The following WDR7 variants were observed in gnomAD, a reference collection of about 807,000 sequenced individuals.
The protein encoded by WDR7 is WD repeat domain 7, also known as WD repeat-containing protein 7.
WDR7 carries 46 observed loss-of-function variants against 169.4 expected under a neutral mutation model. That is an observed-to-expected ratio of 0.27 (90% CI 0.21 to 0.35). The LOEUF is 0.35. Among genes scored for constraint, WDR7 ranks in the 10% least tolerant of loss-of-function variants. The probability of loss-of-function intolerance (pLI) is 1.00; values close to 1 mark genes in which losing one functional copy is unlikely to be tolerated. For missense variants in WDR7, 1,534 were observed against 1,859.3 expected, an observed-to-expected ratio of 0.83 and a Z score of 3.22; for synonymous variants, 612 against 666.8, an observed-to-expected ratio of 0.92 and a Z score of 1.27.
downstream of WDR7, chr18:57,032,191 C>A (rs1057469082): frequency 1.3e-5 from 2 of 152,178 alleles, no homozygotes; most frequent in Admixed American, 1.3e-4. Context: ...AGAAAGATCA[C>A]CGCATTAGAT....
chr18:56,746,784 A>G (rs925443573), intron 14 of WDR7, among the ~76,000 whole-genome samples: 5 of 151,994 alleles, frequency 3.3e-5, no homozygotes, highest in Admixed American at 1.3e-4. Flanking sequence ...CAACCTCAAC[A>G]CTATTGTCAT....
chr18:56,721,759 G>A (rs1285976828), intron 13 of WDR7: 1 of 152,208 alleles, frequency 6.6e-6, no homozygotes, highest in African/African-American at 2.4e-5. Context: ...AATGACTGAT[G>A]TTACAAAATG....
At chr18:57,009,575 A>G (rs376943844) in intron 26 of WDR7, among the ~76,000 whole-genome samples, 2 of 152,368 alleles carry the variant, frequency 1.3e-5, no homozygotes, top group African/African-American at 2.4e-5. Context: ...TAAACTACAC[A>G]TAAAAGTGTA....
intron 20 of WDR7, among the ~76,000 whole-genome samples, chr18:56,879,552 T>G (rs538153119): frequency 1.1e-4 from 17 of 152,234 alleles, no homozygotes; most frequent in Non-Finnish European, 2.4e-4. Flanking sequence ...TATCCTTTCT[T>G]GATTCTGTCT....
chr18:56,884,940 G>A (rs530914513), intron 21 of WDR7, among the ~76,000 whole-genome samples: 3 of 152,324 alleles, frequency 2.0e-5, no homozygotes, highest in African/African-American at 2.4e-5. Context: ...ATGGCTGAGA[G>A]ACCTGAAGAC....
At chr18:56,935,652 T>C in intron 22 of WDR7, 136 bp from the exon 23 acceptor site, 3 of 770,350 alleles carry the variant, frequency 3.9e-6, no homozygotes, top group Non-Finnish European at 6.7e-6. Context: ...CTGCCCATTG[T>C]TGCAAGTCCA....
intron 22 of WDR7, among the ~76,000 whole-genome samples, chr18:56,934,083 A>G (rs2046925687): frequency 6.6e-6 from 1 of 152,216 alleles, no homozygotes; most frequent in Non-Finnish European, 1.5e-5. Context: ...TTGATTGTTT[A>G]CAGCCTTGCA....
chr18:56,886,924 T>A (rs1402531245), intron 21 of WDR7, among the ~76,000 whole-genome samples: 1 of 152,120 alleles, frequency 6.6e-6, no homozygotes, highest in Non-Finnish European at 1.5e-5. Flanking sequence ...CAGGAAAATA[T>A]CACAATTTTA....
At chr18:56,849,435 C>T (rs145931662) in intron 20 of WDR7, among the ~76,000 whole-genome samples, 2 of 152,136 alleles carry the variant, frequency 1.3e-5, no homozygotes, top group East Asian at 3.9e-4. Context: ...ATTTTTTGTC[C>T]TTTTCTAAGC....
intron 26 of WDR7, among the ~76,000 whole-genome samples, chr18:56,977,083 T>C (rs2047577910): frequency 6.6e-6 from 1 of 152,200 alleles, no homozygotes; most frequent in Admixed American, 6.5e-5. Flanking sequence ...AAAATAGGAA[T>C]AATTTTAGAT....
chr18:56,879,506 T>C (rs925905529), intron 20 of WDR7, among the ~76,000 whole-genome samples: 2 of 152,242 alleles, frequency 1.3e-5, no homozygotes, highest in African/African-American at 4.8e-5. Flanking sequence ...AGATAGGTGA[T>C]TTGACAATAG....
intron 26 of WDR7, among the ~76,000 whole-genome samples, chr18:57,012,840 T>G (rs1222775889): frequency 6.6e-6 from 1 of 152,164 alleles, no homozygotes; most frequent in Non-Finnish European, 1.5e-5. Flanking sequence ...CCAAACAAGT[T>G]ATCGCACCTC....
At chr18:56,948,389 A>C (rs945328466) in intron 25 of WDR7, among the ~76,000 whole-genome samples, 1 of 152,110 alleles carries the variant, frequency 6.6e-6, no homozygotes, top group African/African-American at 2.4e-5. Flanking sequence ...GTTTTCAAAG[A>C]CTTGTCAAAT....
intron 19 of WDR7, among the ~76,000 whole-genome samples, chr18:56,812,167 C>T (rs2044880665): frequency 6.6e-6 from 1 of 152,098 alleles, no homozygotes; most frequent in Admixed American, 6.5e-5. Context: ...TAGTTGTCAG[C>T]ATACAAGACC....
chr18:56,676,143 C>G (rs1467561871), intron 2 of WDR7, among the ~76,000 whole-genome samples: 1 of 152,136 alleles, frequency 6.6e-6, no homozygotes, highest in Non-Finnish European at 1.5e-5. Flanking sequence ...TCTGTCTCTT[C>G]TTATAGTTTT....
At chr18:56,676,906 C>T (rs868569462) in intron 2 of WDR7, among the ~76,000 whole-genome samples, 2 of 152,004 alleles carry the variant, frequency 1.3e-5, no homozygotes. Context: ...GAGCCAGGGG[C>T]CTGTCAGCTT....
At chr18:56,933,782 G>C (rs969837729) in intron 22 of WDR7, among the ~76,000 whole-genome samples, 2 of 152,198 alleles carry the variant, frequency 1.3e-5, no homozygotes, top group Non-Finnish European at 2.9e-5. Context: ...GTAAATACCT[G>C]TATCAACCAC....
chr18:56,658,173 G>A (rs556240457), intron 1 of WDR7, among the ~76,000 whole-genome samples: 48 of 151,880 alleles, frequency 3.2e-4, no homozygotes, highest in African/African-American at 1.1e-3. Flanking sequence ...GTATGATCTC[G>A]GCTCACTGCA....
chr18:56,708,030 CTTT>C (rs752679794), intron 12 of WDR7, among the ~76,000 whole-genome samples: 2 of 132,816 alleles, frequency 1.5e-5, no homozygotes, highest in African/African-American at 2.8e-5. Flanking sequence ...GTGTTTATTC[CTTT>C]TTTTTTTTTT....
Sources: allele counts gnomAD v4.1 joint callset (sites outside exome capture counted in the v4.1 genomes callset), GRCh38; gene constraint gnomAD v4.1.1; transcripts MANE v1.5; gene names NCBI Gene and HGNC (gene_info 2026-07-23, HGNC 2026-07-21).